Variants in NRG1 observed in about 807,000 individuals in gnomAD.
NRG1 encodes pro-neuregulin-1, membrane-bound isoform.
In NRG1, 18 loss-of-function variants were observed where a neutral mutation model predicts 63.8. That is an observed-to-expected ratio of 0.28 (90% CI 0.19 to 0.42). The LOEUF (loss-of-function observed/expected upper bound fraction) is 0.42. NRG1 is among the 10% of genes least tolerant of loss of function. NRG1 has a pLI of 1.00. For synonymous variants in NRG1, 302 were observed against 301.3 expected (o/e 1.00, Z -0.02); for missense variants, 762 against 814.7 (o/e 0.94, Z 0.79).
chr8:32,504,714 G>A (rs1340318021), intron 1 of NRG1, among the ~76,000 whole-genome samples: 1 of 152,020 alleles, frequency 6.6e-6, no homozygotes, highest in East Asian at 1.9e-4. Flanking sequence ...TGGCATTTTT[G>A]TCTTTTTAAA....
intron 1 of NRG1, among the ~76,000 whole-genome samples, chr8:31,918,147 A>C (rs1387666751): frequency 6.6e-6 from 1 of 152,200 alleles, no homozygotes; most frequent in Non-Finnish European, 1.5e-5. Context: ...GTCATCTGCA[A>C]ACAGGGACAA....
At chr8:32,543,544 A>G (rs1327101863), upstream of NRG1, among the ~76,000 whole-genome samples, 2 of 152,088 alleles carry the variant, frequency 1.3e-5, no homozygotes, top group East Asian at 3.9e-4. Flanking sequence ...CCTGTTTATC[A>G]GGGCCAGAAG....
At chr8:32,498,534 C>T (rs1338524831) in intron 1 of NRG1, among the ~76,000 whole-genome samples, 1 of 152,132 alleles carries the variant, frequency 6.6e-6, no homozygotes, top group Admixed American at 6.5e-5. Flanking sequence ...AGAACTCACT[C>T]ACTATCGTGA....
At chr8:31,641,337 T>C (rs1198194534) in intron 1 of NRG1, among the ~76,000 whole-genome samples, 1 of 151,740 alleles carries the variant, frequency 6.6e-6, no homozygotes, top group Admixed American at 6.6e-5. Flanking sequence ...GGTGGGGGTT[T>C]TTTTTTTTGG....
intron 1 of NRG1, among the ~76,000 whole-genome samples, chr8:32,385,181 G>A (rs927117847): frequency 4.6e-5 from 7 of 151,848 alleles, no homozygotes; most frequent in African/African-American, 1.5e-4. Context: ...CACCATGCCC[G>A]GCTAATTTTT....
intron 1 of NRG1, among the ~76,000 whole-genome samples, chr8:32,452,371 T>G (rs1352370711): frequency 6.6e-6 from 1 of 151,986 alleles, no homozygotes; most frequent in Non-Finnish European, 1.5e-5. Context: ...GACATTTGAG[T>G]TGGGCCTTAC....
chr8:32,147,284 G>C (rs549611210), intron 1 of NRG1, among the ~76,000 whole-genome samples: 1 of 152,240 alleles, frequency 6.6e-6, no homozygotes, highest in East Asian at 1.9e-4. Context: ...TTGAATAAGT[G>C]AAAAACCAAA....
intron 1 of NRG1, among the ~76,000 whole-genome samples, chr8:31,885,862 G>T (rs1830679918): frequency 6.6e-6 from 1 of 152,028 alleles, no homozygotes; most frequent in African/African-American, 2.4e-5. Flanking sequence ...AATTTCTGAG[G>T]TCTTAAAATA....
chr8:31,755,874 A>G (rs1401371305), intron 1 of NRG1, among the ~76,000 whole-genome samples: 1 of 152,126 alleles, frequency 6.6e-6, no homozygotes, highest in Admixed American at 6.6e-5. Context: ...AGAAGGCTTT[A>G]TTTGATGCTA....
At chr8:31,965,100 A>T (rs1175311345) in intron 1 of NRG1, among the ~76,000 whole-genome samples, 1 of 152,180 alleles carries the variant, frequency 6.6e-6, no homozygotes, top group Non-Finnish European at 1.5e-5. Flanking sequence ...CCCAGATAGA[A>T]TTAGTCCTAA....
At chr8:32,666,283 A>G (rs1466654839) in intron 5 of NRG1, among the ~76,000 whole-genome samples, 2 of 152,204 alleles carry the variant, frequency 1.3e-5, no homozygotes, top group Non-Finnish European at 2.9e-5. Flanking sequence ...ATGTAGGCAG[A>G]AATCAGAAAC....
At chr8:31,846,954 C>A (rs1284042662) in intron 1 of NRG1, among the ~76,000 whole-genome samples, 1 of 152,098 alleles carries the variant, frequency 6.6e-6, no homozygotes, top group African/African-American at 2.4e-5. Flanking sequence ...AATAAAGGGG[C>A]ACCTCTGTAT....
intron 1 of NRG1, among the ~76,000 whole-genome samples, chr8:31,822,973 G>A (rs1824150222): frequency 6.6e-6 from 1 of 152,056 alleles, no homozygotes; most frequent in Non-Finnish European, 1.5e-5. Flanking sequence ...TTTTTTAAGT[G>A]AAAAATGGCA....
intron 1 of NRG1, among the ~76,000 whole-genome samples, chr8:32,120,007 G>A (rs931645687): frequency 2.0e-5 from 3 of 151,904 alleles, no homozygotes; most frequent in Non-Finnish European, 4.4e-5. Flanking sequence ...AAGACCTTGG[G>A]CAATTTATTA....
At chr8:31,754,492 A>G (rs577557296) in intron 1 of NRG1, among the ~76,000 whole-genome samples, 11 of 152,218 alleles carry the variant, frequency 7.2e-5, no homozygotes, top group African/African-American at 2.4e-4. Context: ...AGCTGAGCAG[A>G]TGCCAGCATC....
chr8:31,739,072 G>A (rs557243569), intron 1 of NRG1, among the ~76,000 whole-genome samples: 9 of 152,200 alleles, frequency 5.9e-5, no homozygotes, highest in East Asian at 3.9e-4. Flanking sequence ...AAGTGCACAC[G>A]TAAGATGCAC....
At chr8:32,106,872 G>A (rs969977218) in intron 1 of NRG1, among the ~76,000 whole-genome samples, 5 of 151,836 alleles carry the variant, frequency 3.3e-5, no homozygotes, top group African/African-American at 1.2e-4. Flanking sequence ...GATTTTAAAG[G>A]CCCTTGAAAA....
At chr8:31,712,984 CCCATCCATCCATCCATCCAT>C (rs66850785) in intron 1 of NRG1, among the ~76,000 whole-genome samples, 2 of 132,758 alleles carry the variant, frequency 1.5e-5, no homozygotes, top group African/African-American at 2.8e-5. Flanking sequence ...CATCCATCCA[CCCATCCATCCATCCATCCAT>C]CCATCCATCC....
chr8:32,033,192 T>C (rs1167464641), intron 1 of NRG1, among the ~76,000 whole-genome samples: 1 of 151,532 alleles, frequency 6.6e-6, no homozygotes, highest in Non-Finnish European at 1.5e-5. Flanking sequence ...CCTCCCGGGT[T>C]TACACCATTC....
Sources: allele counts gnomAD v4.1 joint callset (sites outside exome capture counted in the v4.1 genomes callset), GRCh38; gene constraint gnomAD v4.1.1; transcripts MANE v1.5; gene names NCBI Gene and HGNC (gene_info 2026-07-23, HGNC 2026-07-21).